The following MBD2 variants were observed in gnomAD, a reference collection of about 807,000 sequenced individuals.
The protein encoded by MBD2 is methyl-CpG-binding domain protein 2.
Under a neutral mutation model 39.3 loss-of-function variants are expected in MBD2, and 9 were observed. That is an observed-to-expected ratio of 0.23 (90% CI 0.14 to 0.40). The LOEUF is 0.40. MBD2 is among the 10% of genes least tolerant of loss of function. MBD2 has a pLI of 1.00. For synonymous variants in MBD2, 233 were observed against 211.1 expected (o/e 1.10, Z -0.90); for missense variants, 458 against 532.6 (o/e 0.86, Z 1.38).
intron 2 of MBD2, among the ~76,000 whole-genome samples, chr18:54,200,815 C>A (rs1233447559): frequency 6.6e-6 from 1 of 152,076 alleles, no homozygotes; most frequent in Non-Finnish European, 1.5e-5. Context: ...CGCGGTGGCT[C>A]ACGTCTGTAA....
Position 54,183,070 on chromosome 18 carries a change from A to G in MBD2, c.840+5804T>C, listed in dbSNP as rs137967022. 5.0e-3 allele frequency among the ~76,000 whole-genome samples: 761 copies of G among 152,362 alleles called. 7 individuals are homozygous for G. The highest frequency in any genetic ancestry group is 0.017 in the African/African-American group (693 of 41,584). On this transcript the variant is annotated intron_variant, in intron 3 of 6. Transcript: ENST00000256429. ...TAAATAGACGCTTGGGGTGAAAGAT[A>G]GGAAGAATCAAGGATGATGCTCAAG...
At chr18:54,216,591 C>G (rs1448708962) in intron 1 of MBD2, among the ~76,000 whole-genome samples, 2 of 152,130 alleles carry the variant, frequency 1.3e-5, no homozygotes, top group Non-Finnish European at 2.9e-5. Flanking sequence ...GAGTAATACT[C>G]AAATGCCATA....
At chr18:54,160,535 G>A (rs971073471) in intron 5 of MBD2, among the ~76,000 whole-genome samples, 4 of 151,254 alleles carry the variant, frequency 2.6e-5, no homozygotes, top group Non-Finnish European at 5.9e-5. Flanking sequence ...TCTGTGTCTC[G>A]GTGATTACAA....
rs1403873073 is a variant in MBD2 at position 54,205,108 on chromosome 18, C to T, written c.592G>A (p.Gly198Arg). The T allele has an allele frequency of 6.2e-7, 1 of 1,613,978 alleles. No individual in the cohort carries two copies. Among genetic ancestry groups the T allele is most frequent in the Non-Finnish European group, 8.5e-7 (1 of 1,179,976 alleles). ...AAACTGCTGAGATCAACAGTATTTC[C>T]CAGGTACCTTGCCAACTGAGGCTTG... ...RSKPQLARYL[G>R]NTVDLSSFDF... Residue 198 changes from glycine to arginine, a missense_variant, in exon 2 of 7, where the codon GGA becomes AGA. Gly to Arg is a moderately radical substitution (Grantham distance 125, BLOSUM62 -2). Around this residue, in one of 2 missense-constraint regions of MBD2, gnomAD observed 189 missense variants for 296.6 expected, o/e 0.64. Transcript: ENST00000256429.
intron 1 of MBD2, chr18:54,222,484 C>T (rs1348304050): frequency 1.1e-5 from 4 of 375,560 alleles, no homozygotes; most frequent in South Asian, 2.0e-5. Flanking sequence ...CACACTTTTT[C>T]TTTTTTTTCT....
At chr18:54,165,604 C>A (rs2086125550) in intron 4 of MBD2, among the ~76,000 whole-genome samples, 1 of 152,168 alleles carries the variant, frequency 6.6e-6, no homozygotes, top group Non-Finnish European at 1.5e-5. Context: ...TGTTGCTGGA[C>A]CAAAGTGCAT....
intron 3 of MBD2, among the ~76,000 whole-genome samples, chr18:54,172,035 T>C (rs549039287): frequency 1.3e-5 from 2 of 152,342 alleles, no homozygotes; most frequent in South Asian, 2.1e-4. Flanking sequence ...CTGATAATAA[T>C]AGATCAGTAA....
intron 6 of MBD2, among the ~76,000 whole-genome samples, chr18:54,155,723 C>A (rs564400003): frequency 3.3e-5 from 5 of 152,306 alleles, no homozygotes; most frequent in African/African-American, 1.2e-4. Flanking sequence ...TATTTTACTT[C>A]ACAATTTCTT....
At chr18:54,211,388 T>TACACACACACAC (rs113321648) in intron 1 of MBD2, among the ~76,000 whole-genome samples, 2,467 of 148,204 alleles carry the variant, frequency 0.017, 35 homozygotes, top group Middle Eastern at 0.031. Flanking sequence ...ATTATTGCTA[T>TACACACACACAC]ACACACACAC....
At chr18:54,194,506 G>A (rs555792646) in intron 2 of MBD2, among the ~76,000 whole-genome samples, 4 of 151,616 alleles carry the variant, frequency 2.6e-5, no homozygotes, top group Admixed American at 1.3e-4. Context: ...CCAAAATAAA[G>A]TATTACAATT....
intron 4 of MBD2, 28 bp from the exon 5 acceptor site, chr18:54,164,728 A>AG (rs745550805): frequency 1.3e-6 from 2 of 1,578,482 alleles, no homozygotes; most frequent in Admixed American, 3.4e-5. Flanking sequence ...TACTAGTTAA[A>AG]GGAAATGTCT....
intron 2 of MBD2, among the ~76,000 whole-genome samples, chr18:54,204,212 G>A (rs1471556240): frequency 6.6e-6 from 1 of 152,138 alleles, no homozygotes; most frequent in African/African-American, 2.4e-5. Flanking sequence ...CAATGGTGGT[G>A]GCAATACCCA....
chr18:54,195,974 T>C (rs555149897), intron 2 of MBD2, among the ~76,000 whole-genome samples: 1 of 152,294 alleles, frequency 6.6e-6, no homozygotes, highest in South Asian at 2.1e-4. Flanking sequence ...CCAGAATATA[T>C]ACGGTAGTCC....
At chr18:54,222,742 TTAC>T (rs1438692903) in intron 1 of MBD2, among the ~76,000 whole-genome samples, 2 of 152,268 alleles carry the variant, frequency 1.3e-5, no homozygotes, top group African/African-American at 2.4e-5. Context: ...TGAAGTGAAC[TTAC>T]TACAACTACT....
At chr18:54,168,796 C>T (rs74502993) in intron 3 of MBD2, among the ~76,000 whole-genome samples, 1 of 151,688 alleles carries the variant, frequency 6.6e-6, no homozygotes, top group Non-Finnish European at 1.5e-5. Flanking sequence ...AACACTCACT[C>T]AAAGCTAAGA....
chr18:54,168,077 A>G (rs2086148706), intron 3 of MBD2, among the ~76,000 whole-genome samples: 1 of 150,560 alleles, frequency 6.6e-6, no homozygotes, highest in African/African-American at 2.4e-5. Context: ...ATATATGTGT[A>G]TATATATATA....
chr18:54,216,462 G>A (rs9963926), intron 1 of MBD2, among the ~76,000 whole-genome samples: 15,217 of 152,140 alleles, frequency 0.1, 2,590 homozygotes, highest in African/African-American at 0.35. Flanking sequence ...GGACTATGCT[G>A]GATACTGAAG....
intron 3 of MBD2, among the ~76,000 whole-genome samples, chr18:54,169,354 T>C (rs541001637): frequency 1.3e-5 from 2 of 151,274 alleles, no homozygotes; most frequent in Non-Finnish European, 1.5e-5. Context: ...AGTCAGCTCC[T>C]CTCACCAAAT....
intron 3 of MBD2, among the ~76,000 whole-genome samples, chr18:54,177,766 CA>C (rs2144297452): frequency 9.1e-6 from 1 of 109,338 alleles, no homozygotes; most frequent in East Asian, 3.5e-4. Flanking sequence ...AGGCGTGAGC[CA>C]CTAAATTAAT....
Sources: gnomAD v4.1 joint callset for allele counts (sites outside exome capture counted in the v4.1 genomes callset) on GRCh38, gnomAD v4.1.1 for gene constraint, gnomAD v4.1.1 regional missense constraint, MANE v1.5 for transcripts, NCBI Gene and HGNC (gene_info 2026-07-23, HGNC 2026-07-21) for gene names.